MAML3: variants seen among roughly 807,000 people sequenced by gnomAD.
The protein encoded by MAML3 is mastermind like transcriptional coactivator 3, also known as mastermind-like protein 3.
In MAML3, 27 loss-of-function variants were observed where a neutral mutation model predicts 101.9. That is an observed-to-expected ratio of 0.27 (90% confidence interval 0.20 to 0.37). MAML3 has a LOEUF of 0.37. Among genes scored for constraint, MAML3 ranks in the 10% least tolerant of loss-of-function variants. The pLI is 1.00. For missense variants in MAML3, 1,316 were observed against 1,444.9 expected, an observed-to-expected ratio of 0.91 and a Z score of 1.45; for synonymous variants, 501 against 555.9, an observed-to-expected ratio of 0.90 and a Z score of 1.39.
intron 1 of MAML3, among the ~76,000 whole-genome samples, chr4:139,940,385 T>C (rs186868713): frequency 1.3e-5 from 2 of 152,332 alleles, no homozygotes; most frequent in Non-Finnish European, 2.9e-5. Context: ...TAAAGATTGA[T>C]TGGAATCTGA....
intron 2 of MAML3, among the ~76,000 whole-genome samples, chr4:139,796,435 C>T (rs1730511619): frequency 6.6e-6 from 1 of 152,130 alleles, no homozygotes; most frequent in Non-Finnish European, 1.5e-5. Context: ...TGAAATGAAG[C>T]CCAGCTGGTA....
intron 1 of MAML3, among the ~76,000 whole-genome samples, chr4:140,085,811 C>T (rs2110974635): frequency 6.6e-6 from 1 of 152,306 alleles, no homozygotes; most frequent in Non-Finnish European, 1.5e-5. Flanking sequence ...CTGCTGCCTT[C>T]ATTAGTCAAA....
chr4:139,835,245 T>C (rs1578623707), intron 2 of MAML3, among the ~76,000 whole-genome samples: 2 of 152,254 alleles, frequency 1.3e-5, no homozygotes, highest in Admixed American at 6.5e-5. Context: ...GCACGCTTGG[T>C]TGCATGCATG....
chr4:140,100,195 T>C (rs1039755894), intron 1 of MAML3, among the ~76,000 whole-genome samples: 1 of 152,114 alleles, frequency 6.6e-6, no homozygotes, highest in African/African-American at 2.4e-5. Flanking sequence ...CACTGTCTCC[T>C]TCAAGGCTTA....
intron 1 of MAML3, among the ~76,000 whole-genome samples, chr4:140,063,468 CCT>C (rs1213889488): frequency 6.6e-6 from 1 of 152,190 alleles, no homozygotes; most frequent in African/African-American, 2.4e-5. Context: ...AGAGAGGTCC[CCT>C]GTCCTCCTCC....
At chr4:139,852,638 C>T (rs1054332065) in intron 2 of MAML3, among the ~76,000 whole-genome samples, 1 of 152,062 alleles carries the variant, frequency 6.6e-6, no homozygotes, top group South Asian at 2.1e-4. Context: ...TGATCTCGAA[C>T]TCCTGGCATC....
chr4:139,858,226 T>G (rs1731703512), intron 2 of MAML3, among the ~76,000 whole-genome samples: 1 of 152,250 alleles, frequency 6.6e-6, no homozygotes, highest in African/African-American at 2.4e-5. Context: ...GTAATTGGTG[T>G]GCTTTACACT....
rs544192395 is a variant in MAML3 at position 140,026,403 on chromosome 4, C to T, written c.468+126457G>A. On this transcript the variant is annotated intron_variant, in intron 1 of 4. Coordinates refer to ENST00000509479, the MANE Select transcript of MAML3 (RefSeq NM_018717.5). ...CCAAGTAGCTGGGATTACAGGCATG[C>T]GCCACTACACCTAGCTAATTTTTGT... is the stretch of plus-strand genomic sequence containing the variant. Among the ~76,000 whole-genome samples, 352 of 152,096 alleles carry T rather than the reference C, an allele frequency of 2.3e-3. 2 individuals are homozygous for T. Among genetic ancestry groups the T allele is most frequent in the African/African-American group, 7.9e-3 (328 of 41,484 alleles).
intron 1 of MAML3, among the ~76,000 whole-genome samples, chr4:140,038,393 C>T (rs1727023921): frequency 6.6e-6 from 1 of 152,206 alleles, no homozygotes; most frequent in African/African-American, 2.4e-5. Context: ...ACAAAACAGG[C>T]AGCACATCAG....
intron 1 of MAML3, among the ~76,000 whole-genome samples, chr4:140,068,221 T>C (rs2110948148): frequency 6.6e-6 from 1 of 152,342 alleles, no homozygotes; most frequent in Admixed American, 6.5e-5. Context: ...TTTGGTGCCA[T>C]GTTTTGCAAC....
intron 1 of MAML3, among the ~76,000 whole-genome samples, chr4:140,066,494 A>G (rs980192373): frequency 2.0e-5 from 3 of 152,190 alleles, no homozygotes; most frequent in Non-Finnish European, 2.9e-5. Flanking sequence ...TCCCTAATGA[A>G]GTACAGACTT....
Position 139,885,914 on chromosome 4 carries a change from C to G in MAML3, c.2079+3443G>C, listed in dbSNP as rs1307112038. Reference sequence around the variant, plus strand: ...CGCCACTGCACTCCAGCCTGGGCGACAGGGCAAGACTCCGTCTCAAAAAAA... The same window carrying G: ...CGCCACTGCACTCCAGCCTGGGCGAGAGGGCAAGACTCCGTCTCAAAAAAA... On this transcript the variant is annotated intron_variant, in intron 2 of 4. Transcript: ENST00000509479. 4.1e-4 allele frequency among the ~76,000 whole-genome samples: 47 copies of G among 115,978 alleles called. No individual in the cohort carries two copies. In the East Asian group the frequency reaches 0.011, roughly 26 times the overall value. The allele number at this position is 115,978 out of a possible 152,430, so 76.1% of individuals were successfully genotyped here. A position where few individuals can be genotyped will look rare whatever the true frequency, so the allele number is the denominator to read the frequency against.
At chr4:139,792,077 G>C (rs1165837358) in intron 2 of MAML3, among the ~76,000 whole-genome samples, 1 of 152,206 alleles carries the variant, frequency 6.6e-6, no homozygotes, top group East Asian at 1.9e-4. Context: ...TTGTTGCATT[G>C]AACAAATCAA....
chr4:139,919,927 T>C (rs1000197052), intron 1 of MAML3, among the ~76,000 whole-genome samples: 1 of 152,220 alleles, frequency 6.6e-6, no homozygotes, highest in African/African-American at 2.4e-5. Flanking sequence ...AAAAGAATAA[T>C]AGATTTTAAT....
chr4:139,845,800 C>A (rs959736010), intron 2 of MAML3, among the ~76,000 whole-genome samples: 13 of 152,196 alleles, frequency 8.5e-5, no homozygotes, highest in African/African-American at 2.7e-4. Context: ...TTCTGAAATA[C>A]AAACTGAATA....
At chr4:139,939,894 A>T (rs1441239099) in intron 1 of MAML3, among the ~76,000 whole-genome samples, 1 of 151,624 alleles carries the variant, frequency 6.6e-6, no homozygotes, top group Non-Finnish European at 1.5e-5. Context: ...GCTCCTGAAT[A>T]GCTGGGATTA....
In MAML3 at chr4:140,152,821, C is replaced by CCAA; in HGVS notation, c.468+36_468+38dup. 5 of 1,585,908 alleles carry CCAA rather than the reference C, an allele frequency of 3.2e-6. No individual in the cohort carries two copies. In the South Asian group the frequency reaches 3.5e-5, roughly 11 times the overall value. Reference sequence around the variant, plus strand: ...GCGCCCCCCACCACCACCACCACCCCCAACGCGCGCCGCAAGCCCGCTGCC... The same window carrying CCAA: ...GCGCCCCCCACCACCACCACCACCCCCAACAACGCGCGCCGCAAGCCCGCTGCC... On this transcript the variant is annotated intron_variant, in intron 1 of 4. Coordinates refer to ENST00000509479, the MANE Select transcript of MAML3 (RefSeq NM_018717.5).
intron 2 of MAML3, among the ~76,000 whole-genome samples, chr4:139,780,479 T>C (rs973767924): frequency 6.6e-6 from 1 of 152,210 alleles, no homozygotes; most frequent in Non-Finnish European, 1.5e-5. Context: ...ATGTGCTTAT[T>C]CTGCCAAACT....
intron 1 of MAML3, among the ~76,000 whole-genome samples, chr4:140,056,810 C>CAAA (rs559141021): frequency 7.4e-4 from 94 of 127,464 alleles, no homozygotes; most frequent in South Asian, 2.1e-3. Flanking sequence ...GACTCTGTCT[C>CAAA]AAAAAAAAAA....
Sources: gnomAD v4.1 joint callset for allele counts (sites outside exome capture counted in the v4.1 genomes callset) on GRCh38, gnomAD v4.1.1 for gene constraint, MANE v1.5 for transcripts, NCBI Gene and HGNC (gene_info 2026-07-23, HGNC 2026-07-21) for gene names.